CACNA2D3: variants seen among roughly 807,000 people sequenced by gnomAD.
CACNA2D3 encodes the protein calcium voltage-gated channel auxiliary subunit alpha2delta 3, also known as voltage-dependent calcium channel subunit alpha-2/delta-3.
CACNA2D3 carries 60 observed loss-of-function variants against 160.6 expected under a neutral mutation model. The ratio of observed to expected loss-of-function variants is 0.37; its 90% CI spans 0.30 to 0.46. The LOEUF (loss-of-function observed/expected upper bound fraction) is 0.46. CACNA2D3 is among the 20% of genes least tolerant of loss of function. The pLI, the probability that CACNA2D3 is intolerant of heterozygous loss-of-function variation, is 1.00. For synonymous variants in CACNA2D3, 558 were observed against 492.9 expected (o/e 1.13, Z -1.75); for missense variants, 1,205 against 1,365.0 (o/e 0.88, Z 1.85).
At chr3:54,725,626 T>C (rs189558569) in intron 11 of CACNA2D3, among the ~76,000 whole-genome samples, 50 of 152,194 alleles carry the variant, frequency 3.3e-4, no homozygotes, top group African/African-American at 1.2e-3. Flanking sequence ...AATCAAGAAA[T>C]GGGATCCATC....
intron 27 of CACNA2D3, among the ~76,000 whole-genome samples, chr3:54,940,719 A>G (rs376975800): frequency 1.3e-5 from 2 of 152,170 alleles, no homozygotes; most frequent in African/African-American, 4.8e-5. Context: ...TGTACTCTGG[A>G]CGTTCCTTTT....
intron 27 of CACNA2D3, among the ~76,000 whole-genome samples, chr3:54,943,618 C>T (rs985419613): frequency 6.6e-6 from 1 of 151,962 alleles, no homozygotes; most frequent in Non-Finnish European, 1.5e-5. Context: ...CTTCTTATTG[C>T]TTGGTTTTCC....
At chr3:54,393,029 A>T (rs185667609) in intron 4 of CACNA2D3, among the ~76,000 whole-genome samples, 5 of 152,324 alleles carry the variant, frequency 3.3e-5, no homozygotes, top group Admixed American at 6.5e-5. Context: ...AAATAACTAA[A>T]CAGGGCTGAA....
chr3:54,561,334 G>T (rs1037634053), intron 5 of CACNA2D3, among the ~76,000 whole-genome samples: 2 of 152,104 alleles, frequency 1.3e-5, no homozygotes, highest in Non-Finnish European at 2.9e-5. Flanking sequence ...TCTTTTTGTG[G>T]CAGTTGTGAA....
intron 9 of CACNA2D3, among the ~76,000 whole-genome samples, chr3:54,627,437 A>T (rs1699147494): frequency 6.6e-6 from 1 of 152,176 alleles, no homozygotes; most frequent in South Asian, 2.1e-4. Context: ...AGGGGTGCAT[A>T]TGCAGAGTCC....
chr3:54,147,836 C>T (rs1700064644), intron 2 of CACNA2D3, among the ~76,000 whole-genome samples: 1 of 152,232 alleles, frequency 6.6e-6, no homozygotes, highest in African/African-American at 2.4e-5. Flanking sequence ...GAGACGGACT[C>T]TTGCTCTGTC....
chr3:54,794,301 A>G (rs1453085458), intron 13 of CACNA2D3, among the ~76,000 whole-genome samples: 1 of 152,150 alleles, frequency 6.6e-6, no homozygotes, highest in African/African-American at 2.4e-5. Context: ...CCTTACTTAT[A>G]GTGGAAGAAA....
chr3:54,323,055 A>G (rs1309844324), intron 3 of CACNA2D3, among the ~76,000 whole-genome samples: 5 of 152,154 alleles, frequency 3.3e-5, no homozygotes, highest in African/African-American at 1.2e-4. Context: ...CCCGTCTTTA[A>G]AGAGAGTTTG....
intron 13 of CACNA2D3, among the ~76,000 whole-genome samples, chr3:54,799,417 C>T (rs1187709933): frequency 6.6e-6 from 1 of 152,090 alleles, no homozygotes; most frequent in African/African-American, 2.4e-5. Flanking sequence ...TGTTCACTTT[C>T]CAATGAACAA....
intron 17 of CACNA2D3, among the ~76,000 whole-genome samples, chr3:54,871,043 TACACAC>T (rs58370850): frequency 0.11 from 15,880 of 142,576 alleles, 990 homozygotes; most frequent in South Asian, 0.15. Context: ...AGCTTTGGGA[TACACAC>T]ACACACACAC....
At position 54,210,217 on chromosome 3, in the gene CACNA2D3, G is replaced by A. The variant is rs189307953; in HGVS notation, c.204+86623G>A. Among the ~76,000 whole-genome samples, 112 of 151,502 alleles carry A rather than the reference G, an allele frequency of 7.4e-4. 1 individual carries two copies. The highest frequency in any genetic ancestry group is 9.6e-4 in the Non-Finnish European group (65 of 67,996). Reference sequence around the variant, plus strand: ...AGCCCAGAGGTGGCACCTGTGGCCCGGCCTCTGAGCTGTGACTTTCTATCA... The same window carrying A: ...AGCCCAGAGGTGGCACCTGTGGCCCAGCCTCTGAGCTGTGACTTTCTATCA... On this transcript the variant is annotated intron_variant, in intron 2 of 37. Transcript: ENST00000474759.
At chr3:54,687,099 T>A (rs1700461333) in intron 11 of CACNA2D3, among the ~76,000 whole-genome samples, 1 of 149,500 alleles carries the variant, frequency 6.7e-6, no homozygotes, top group Admixed American at 6.7e-5. Flanking sequence ...GTTATTCAAA[T>A]CGGATTTTTC....
Position 54,685,746 on chromosome 3 carries a change from T to G in CACNA2D3, c.1167+43505T>G, listed in dbSNP as rs558827078. On this transcript the variant is annotated intron_variant, in intron 11 of 37. Coordinates refer to ENST00000474759, the MANE Select transcript of CACNA2D3 (RefSeq NM_018398.3). The stretch of plus-strand genomic sequence containing the variant: ...TTAGTACAGACAACTGCAGGAAGAC[T>G]TCTTGTTCATAGAGACCACCCCTGG... Among the ~76,000 whole-genome samples, 4 of 152,346 alleles carry G rather than the reference T, an allele frequency of 2.6e-5. No homozygotes were observed. The South Asian group carries it at 6.2e-4, about 24-fold the overall frequency.
chr3:54,236,254 C>T (rs1286478679), intron 2 of CACNA2D3, among the ~76,000 whole-genome samples: 1 of 152,054 alleles, frequency 6.6e-6, no homozygotes, highest in Non-Finnish European at 1.5e-5. Context: ...GATCCTGGAG[C>T]AGAAAAATGA....
intron 9 of CACNA2D3, among the ~76,000 whole-genome samples, chr3:54,623,170 C>A (rs767051484): frequency 4.2e-5 from 6 of 143,674 alleles, no homozygotes; most frequent in African/African-American, 1.5e-4. Context: ...CAGGCATGCC[C>A]GGATCTAGGG....
intron 9 of CACNA2D3, among the ~76,000 whole-genome samples, chr3:54,587,483 G>A (rs1021901695): frequency 1.3e-5 from 2 of 152,012 alleles, no homozygotes; most frequent in Non-Finnish European, 2.9e-5. Context: ...CTTGAACCCG[G>A]GAGGCAGAGA....
chr3:54,815,257 A>C (rs980417124), intron 13 of CACNA2D3, among the ~76,000 whole-genome samples: 1 of 152,196 alleles, frequency 6.6e-6, no homozygotes, highest in Non-Finnish European at 1.5e-5. Context: ...GACCCGTATA[A>C]GATAAAAGTG....
At chr3:54,220,115 A>G (rs1011968162) in intron 2 of CACNA2D3, among the ~76,000 whole-genome samples, 1 of 151,922 alleles carries the variant, frequency 6.6e-6, no homozygotes, top group South Asian at 2.1e-4. Flanking sequence ...TAAAATATGA[A>G]AAAAATTGTA....
intron 27 of CACNA2D3, among the ~76,000 whole-genome samples, chr3:54,929,052 G>A (rs1701112084): frequency 6.6e-6 from 1 of 152,186 alleles, no homozygotes; most frequent in African/African-American, 2.4e-5. Flanking sequence ...TATGGAAGCA[G>A]CATGAAGTGC....
Sources: allele counts gnomAD v4.1 joint callset (sites outside exome capture counted in the v4.1 genomes callset), GRCh38; gene constraint gnomAD v4.1.1; transcripts MANE v1.5; gene names NCBI Gene and HGNC (gene_info 2026-07-23, HGNC 2026-07-21).